Variants in CEP104 observed in about 807,000 individuals in gnomAD.
CEP104 encodes the protein centrosomal protein 104, also known as centrosomal protein of 104 kDa.
Under a neutral mutation model 113.3 loss-of-function variants are expected in CEP104, and 84 were observed. That is an observed-to-expected ratio of 0.74 (90% CI 0.62 to 0.89). CEP104 has a LOEUF of 0.89. Ranked by LOEUF, CEP104 falls within the 40% of genes least tolerant of loss-of-function variation. The probability of loss-of-function intolerance (pLI) is 0.00; values close to 1 mark genes in which losing one functional copy is unlikely to be tolerated. For missense variants in CEP104, 1,053 were observed against 1,156.6 expected (o/e 0.91, Z 1.30); for synonymous variants, 378 against 421.7 (o/e 0.90, Z 1.27).
intron 2 of CEP104, among the ~76,000 whole-genome samples, chr1:3,849,266 CTTTTTTTT>C (rs59794257): frequency 7.9e-6 from 1 of 127,368 alleles, no homozygotes; most frequent in Admixed American, 7.8e-5. Context: ...AGTGACATAA[CTTTTTTTT>C]TTTTTTTTTT....
intron 13 of CEP104, among the ~76,000 whole-genome samples, chr1:3,830,534 G>A (rs966474681): frequency 6.6e-6 from 1 of 152,130 alleles, no homozygotes; most frequent in Non-Finnish European, 1.5e-5. Flanking sequence ...AGCACTTTGG[G>A]AGGCTGAGGC....
Position 3,819,942 on chromosome 1 carries a change from T to C in CEP104, c.2571+3232A>G, listed in dbSNP as rs1250756010. 6.6e-6 allele frequency among the ~76,000 whole-genome samples: 1 copy of C among 151,928 alleles called. No individual in the cohort carries two copies. Among genetic ancestry groups the C allele is most frequent in the African/African-American group, 2.4e-5 (1 of 41,352 alleles). ...TCCGGGTTGACAGCCCCCAAGAACA[T>C]ATTACTGCCAGCTGCTGGGATGAGC... On this transcript the variant is annotated intron_variant, in intron 20 of 21. Transcript: ENST00000378230. This position sits in a 1 kb window ranked among gnomAD's most constrained non-coding sequence, Gnocchi z 4.6.
At position 3,847,629 on chromosome 1, in the gene CEP104, C is replaced by A. The variant is rs930464391; in HGVS notation, c.288-16G>T. The A allele has an allele frequency of 1.2e-6, 2 of 1,613,842 alleles. No homozygotes were observed. The highest frequency in any genetic ancestry group is 2.7e-5 in the African/African-American group (2 of 74,918). On this transcript the variant is annotated splice_polypyrimidine_tract_variant and intron_variant, in intron 3 of 21. Coordinates refer to ENST00000378230, the MANE Select transcript of CEP104 (RefSeq NM_014704.4). ...AGACACGTAGCTGAAAAACAAAACA[C>A]AACTGAAGAATTTGAAAATGTGCTG...
chr1:3,824,138 G>A (rs1177100775), intron 18 of CEP104, among the ~76,000 whole-genome samples: 2 of 152,196 alleles, frequency 1.3e-5, no homozygotes, highest in Non-Finnish European at 2.9e-5. Context: ...CCAGGCTGGA[G>A]TGCCATGGTG....
chr1:3,843,376 AT>A (rs34104489), intron 6 of CEP104: 22,662 of 338,448 alleles, frequency 0.067, 14 homozygotes, highest in South Asian at 0.12. Flanking sequence ...AATATGTATA[AT>A]TTTTTTTTTT....
chr1:3,852,470 A>T lies in CEP104; in HGVS notation c.-14-49T>A, dbSNP rs3819007. On this transcript the variant is annotated intron_variant, in intron 1 of 21. Coordinates refer to ENST00000378230, the MANE Select transcript of CEP104 (RefSeq NM_014704.4). ...TTCTTTAAAACAAAGGAATTCACTAACACATGGACATTTAAAGGGTTGGTT... is the reference window on the plus strand; with the variant it reads ...TTCTTTAAAACAAAGGAATTCACTATCACATGGACATTTAAAGGGTTGGTT... The T allele has an allele frequency of 0.28, 429,577 of 1,544,340 alleles. 62,309 individuals are homozygous for T. Among genetic ancestry groups the T allele is most frequent in the African/African-American group, 0.5 (36,777 of 73,382 alleles).
At chr1:3,848,167 A>C (rs947512517) in intron 3 of CEP104, among the ~76,000 whole-genome samples, 34 of 152,296 alleles carry the variant, frequency 2.2e-4, no homozygotes, top group African/African-American at 7.5e-4. Flanking sequence ...GCAGGTGTTA[A>C]GAAACTGTGT....
rs7542369 is a variant in CEP104, at chr1:3,857,024, C to A, written c.-150G>T. ...CCGGACCCCAGGGGCGTGCGGGACC[C>A]GGCTCTCGTGGACTTCCTCGGCAGC... is the stretch of plus-strand genomic sequence containing the variant. On this transcript the variant is annotated 5_prime_UTR_variant, in exon 1 of 22. Transcript: ENST00000378230. 2 of 151,922 alleles carry A rather than the reference C, an allele frequency of 1.3e-5. No homozygotes were observed. Among genetic ancestry groups the A allele is most frequent in the South Asian group, 2.1e-4 (1 of 4,826 alleles). The allele number at this position is 151,922 out of a possible 1,614,324, so 9.4% of individuals were successfully genotyped here.
chr1:3,839,879 A>C, intron 6 of CEP104, 103 bp from the exon 7 acceptor site: 6 of 912,362 alleles, frequency 6.6e-6, no homozygotes, highest in Non-Finnish European at 1.0e-5. Context: ...CTGCCCCATC[A>C]TGGTTCACAG....
intron 6 of CEP104, among the ~76,000 whole-genome samples, chr1:3,843,767 T>A (rs953613682): frequency 6.6e-6 from 1 of 151,576 alleles, no homozygotes; most frequent in Non-Finnish European, 1.5e-5. Flanking sequence ...TTGTGGTGTG[T>A]GTTTTTTTTT....
At chr1:3,832,987 CTT>C (rs70940330) in intron 12 of CEP104, among the ~76,000 whole-genome samples, 43,538 of 140,108 alleles carry the variant, frequency 0.31, 7,697 homozygotes, top group African/African-American at 0.5. Flanking sequence ...GGCCTGGATT[CTT>C]TTTTTTTTTT....
rs1317497394 is a variant in CEP104 at position 3,829,928 on chromosome 1, T to C, written c.1906A>G (p.Met636Val). Residue 636 changes from methionine to valine, a missense_variant, in exon 14 of 22, where the codon ATG becomes GTG. By Grantham distance (21) the Met-to-Val change is conservative. Transcript: ENST00000378230. ...RETAVRIILDMYRQHQASILE... is the reference protein window; with the variant it reads ...RETAVRIILDVYRQHQASILE... ...ATGGAAGCCTGGTGCTGTCTGTACA[T>C]GTCCAAAATAATTCGAACCGCCGTC... 7.4e-6 allele frequency: 12 copies of C among 1,614,096 alleles called. No individual in the cohort carries two copies. Among genetic ancestry groups the C allele is most frequent in the Non-Finnish European group, 1.0e-5 (12 of 1,180,054 alleles).
At chr1:3,827,838 C>T (rs748435410) in intron 15 of CEP104, among the ~76,000 whole-genome samples, 6 of 152,224 alleles carry the variant, frequency 3.9e-5, no homozygotes, top group African/African-American at 9.6e-5. Context: ...CTTTCTCCCT[C>T]GTCTGCTCCT....
rs6413779 is a variant in CEP104, at chr1:3,831,039, T to C, written c.1836+7A>G. On this transcript the variant is annotated splice_region_variant and intron_variant, in intron 13 of 21. Coordinates refer to ENST00000378230, the MANE Select transcript of CEP104 (RefSeq NM_014704.4). ...CGCGTGGTGTGTCACACGCGAGGTC[T>C]GCTTACCTTCATCACGTTGTCAATG... 1,479,180 of 1,611,746 alleles carry C rather than the reference T, an allele frequency of 0.92. 685,762 individuals carry two copies. Among genetic ancestry groups the C allele is most frequent in the Non-Finnish European group, 0.95 (1,123,767 of 1,179,006 alleles).
At chr1:3,854,870 A>ATT (rs36065862) in intron 1 of CEP104, among the ~76,000 whole-genome samples, 38,403 of 122,950 alleles carry the variant, frequency 0.31, 7,105 homozygotes, top group African/African-American at 0.47. Context: ...CAGTCTCCAA[A>ATT]TTTTTTTTTT....
In CEP104 at chr1:3,852,394, A is replaced by G. The variant is rs778380560; in HGVS notation, c.14T>C (p.Ile5Thr). The G allele has an allele frequency of 3.1e-6, 5 of 1,613,930 alleles. No homozygotes were observed. In the South Asian group the frequency reaches 4.4e-5, roughly 14 times the overall value. Residue 5 changes from isoleucine (I) to threonine (T), a missense_variant, in exon 2 of 22, where the codon ATT becomes ACT. Physicochemically the swap from Ile to Thr is moderately conservative, Grantham distance 89. Coordinates refer to ENST00000378230, the MANE Select transcript of CEP104 (RefSeq NM_014704.4). ...AGATGAGCTGACGACTACAAATCCA[A>G]TCTTGTGGGGCATTCTGCACGTTTG... Reference protein sequence around the residue: MPHKIGFVVVSSSGH... With the variant: MPHKTGFVVVSSSGH...
rs978646060 is a variant in CEP104 at position 3,815,183 on chromosome 1, G to A, written c.*219C>T. Reference sequence around the variant, plus strand: ...GCCCTGAAGGCTTAATGTACAGTGCGGCCAGGTCCTGGCACTGCACGCAGG... The same window carrying A: ...GCCCTGAAGGCTTAATGTACAGTGCAGCCAGGTCCTGGCACTGCACGCAGG... On this transcript the variant is annotated 3_prime_UTR_variant, in exon 22 of 22. Coordinates refer to ENST00000378230, the MANE Select transcript of CEP104 (RefSeq NM_014704.4). 49 of 563,532 alleles carry A rather than the reference G, an allele frequency of 8.7e-5. No individual in the cohort carries two copies. Among genetic ancestry groups the A allele is most frequent in the Admixed American group, 2.2e-4 (7 of 31,924 alleles). 34.9% of individuals were successfully genotyped at this position (563,532 alleles called of 1,614,324 possible).
chr1:3,820,068 T>A (rs371808791), intron 20 of CEP104, among the ~76,000 whole-genome samples: 8 of 152,058 alleles, frequency 5.3e-5, no homozygotes, highest in African/African-American at 1.9e-4. Flanking sequence ...GTTTTCTGCT[T>A]ATGCTGAAGG....
intron 10 of CEP104, 26 bp downstream of exon 10, chr1:3,836,469 T>TTTTC: frequency 5.4e-6 from 2 of 372,248 alleles, no homozygotes; most frequent in Non-Finnish European, 7.1e-6. Flanking sequence ...TGCCACCCCG[T>TTTTC]TTTTTTTTTT....
Sources: allele counts gnomAD v4.1 joint callset (sites outside exome capture counted in the v4.1 genomes callset), GRCh38; gene constraint gnomAD v4.1.1; non-coding constraint Gnocchi (gnomAD v3.1); transcripts MANE v1.5; gene names NCBI Gene and HGNC (gene_info 2026-07-23, HGNC 2026-07-21).